COQ10B: variants seen among roughly 807,000 people sequenced by gnomAD.
COQ10B encodes coenzyme Q-binding protein COQ10 homolog B, mitochondrial.
A neutral mutation model predicts 27.6 loss-of-function variants in COQ10B; 12 were observed. The ratio of observed to expected loss-of-function variants is 0.43; its 90% CI spans 0.28 to 0.70. COQ10B has a LOEUF of 0.70. COQ10B is among the 30% of genes least tolerant of loss of function. The pLI is 0.17. For missense variants in COQ10B, 278 were observed against 288.7 expected, an observed-to-expected ratio of 0.96 and a Z score of 0.27; for synonymous variants, 115 against 103.0, an observed-to-expected ratio of 1.12 and a Z score of -0.71.
At chr2:197,472,445 AAAC>A (rs1025557805) in intron 4 of COQ10B, among the ~76,000 whole-genome samples, 3 of 152,002 alleles carry the variant, frequency 2.0e-5, no homozygotes, top group Non-Finnish European at 2.9e-5. Flanking sequence ...AAACAAAACA[AAAC>A]AACAACAACT....
chr2:197,468,938 A>G (rs1320357273), intron 3 of COQ10B, among the ~76,000 whole-genome samples: 1 of 152,220 alleles, frequency 6.6e-6, no homozygotes, highest in African/African-American at 2.4e-5. Flanking sequence ...AATCAGTCCT[A>G]ACAATGAACT....
intron 1 of COQ10B, among the ~76,000 whole-genome samples, chr2:197,455,798 A>G (rs2085691475): frequency 6.6e-6 from 1 of 152,126 alleles, no homozygotes; most frequent in Non-Finnish European, 1.5e-5. Flanking sequence ...TGTTTCTACA[A>G]ATAAGTAAAA....
intron 3 of COQ10B, among the ~76,000 whole-genome samples, chr2:197,463,682 C>T (rs1172702911): frequency 6.6e-6 from 1 of 150,580 alleles, no homozygotes; most frequent in Non-Finnish European, 1.5e-5. Context: ...CCTGTAATCC[C>T]AGCACTTTGG....
intron 4 of COQ10B, among the ~76,000 whole-genome samples, chr2:197,472,632 C>A (rs184915731): frequency 6.6e-6 from 1 of 151,886 alleles, no homozygotes; most frequent in Non-Finnish European, 1.5e-5. Context: ...GGTGAAACCC[C>A]GTCTCTACTG....
intron 3 of COQ10B, among the ~76,000 whole-genome samples, 153 bp from the exon 4 acceptor site, chr2:197,469,917 C>T (rs1176352144): frequency 6.6e-6 from 1 of 151,722 alleles, no homozygotes; most frequent in Non-Finnish European, 1.5e-5. Context: ...CTTCCTAGTA[C>T]CAAGCTAAAA....
chr2:197,453,683 G>T lies in COQ10B; in HGVS notation c.104+19G>T. The T allele has an allele frequency of 3.1e-6, 5 of 1,597,480 alleles. No homozygotes were observed. Among genetic ancestry groups the T allele is most frequent in the Non-Finnish European group, 3.4e-6 (4 of 1,165,296 alleles). ...ATGGCAGGTAATCAACAGCGGGGGCGCTGAGACGAGAGTAGTTTTCGATTT... is the reference window on the plus strand; with the variant it reads ...ATGGCAGGTAATCAACAGCGGGGGCTCTGAGACGAGAGTAGTTTTCGATTT... On this transcript the variant is annotated intron_variant, in intron 1 of 4. Transcript: ENST00000263960.
chr2:197,456,079 G>A (rs533249371), intron 1 of COQ10B, among the ~76,000 whole-genome samples: 63 of 152,306 alleles, frequency 4.1e-4, no homozygotes, highest in Middle Eastern at 3.4e-3. Flanking sequence ...TTGCAGCAAC[G>A]TGGATGGACT....
At chr2:197,470,246 C>CA in intron 4 of COQ10B, 75 bp downstream of exon 4, 1 of 782,580 alleles carries the variant, frequency 1.3e-6, no homozygotes, top group Non-Finnish European at 2.2e-6. Context: ...TTTTAGAACA[C>CA]AGAGGCCATA....
At chr2:197,462,285 A>T (rs2085769217) in intron 2 of COQ10B, among the ~76,000 whole-genome samples, 1 of 151,594 alleles carries the variant, frequency 6.6e-6, no homozygotes, top group Admixed American at 6.6e-5. Flanking sequence ...AAAAAAAAAA[A>T]TTACCTCTTT....
At chr2:197,453,888 G>A in intron 1 of COQ10B, 1 of 1,432,696 alleles carries the variant, frequency 7.0e-7, no homozygotes, top group Non-Finnish European at 9.5e-7. Context: ...CGTGAGAGGC[G>A]GTGAATCATC....
At chr2:197,466,364 C>T (rs2085824870) in intron 3 of COQ10B, among the ~76,000 whole-genome samples, 1 of 152,178 alleles carries the variant, frequency 6.6e-6, no homozygotes, top group Non-Finnish European at 1.5e-5. Flanking sequence ...GTCATTTTCT[C>T]TCTTTCCTTT....
intron 2 of COQ10B, among the ~76,000 whole-genome samples, chr2:197,460,884 A>G (rs2085750280): frequency 6.6e-6 from 1 of 152,228 alleles, no homozygotes; most frequent in Non-Finnish European, 1.5e-5. Flanking sequence ...TTATTTACAA[A>G]AACAGGCGAT....
At chr2:197,473,519 C>T (rs1466674606) in intron 4 of COQ10B, among the ~76,000 whole-genome samples, 7 of 131,922 alleles carry the variant, frequency 5.3e-5, no homozygotes, top group South Asian at 2.3e-4. Flanking sequence ...TATATATATA[C>T]ACACACACAC....
chr2:197,456,445 A>G (rs2085699326), intron 1 of COQ10B, among the ~76,000 whole-genome samples: 1 of 148,992 alleles, frequency 6.7e-6, no homozygotes, highest in African/African-American at 2.5e-5. Context: ...GCCTGGCGGC[A>G]GAGCGAGACT....
intron 3 of COQ10B, among the ~76,000 whole-genome samples, chr2:197,467,522 C>T (rs187021930): frequency 1.3e-5 from 2 of 152,262 alleles, no homozygotes; most frequent in African/African-American, 4.8e-5. Context: ...GGATTAAAGG[C>T]ATGCGCCACC....
At chr2:197,459,862 A>C in intron 1 of COQ10B, 70 bp from the exon 2 acceptor site, 2 of 1,178,504 alleles carry the variant, frequency 1.7e-6, no homozygotes, top group East Asian at 5.1e-5. Flanking sequence ...ATTACTTTAT[A>C]GTTTCTATAA....
intron 4 of COQ10B, among the ~76,000 whole-genome samples, chr2:197,470,878 AG>A (rs1344976594): frequency 6.6e-6 from 1 of 152,106 alleles, no homozygotes; most frequent in African/African-American, 2.4e-5. Flanking sequence ...CTGGGCAACA[AG>A]AGCAAAACTG....
chr2:197,462,947 T>G (rs1303721326), intron 3 of COQ10B, among the ~76,000 whole-genome samples: 1 of 152,000 alleles, frequency 6.6e-6, no homozygotes, highest in Non-Finnish European at 1.5e-5. Flanking sequence ...AACTTTTCCC[T>G]TTTTTTTCCC....
chr2:197,463,927 T>G (rs140716053), intron 3 of COQ10B, among the ~76,000 whole-genome samples: 804 of 41,724 alleles, frequency 0.019, 21 homozygotes, highest in African/African-American at 0.073. Flanking sequence ...AGAATGAAAC[T>G]CTGTCTCAAA....
Sources: allele counts gnomAD v4.1 joint callset (sites outside exome capture counted in the v4.1 genomes callset), GRCh38; gene constraint gnomAD v4.1.1; transcripts MANE v1.5; gene names NCBI Gene and HGNC (gene_info 2026-07-23, HGNC 2026-07-21).